SRGAP2: variants seen among roughly 807,000 people sequenced by gnomAD.
SRGAP2 encodes SLIT-ROBO Rho GTPase activating protein 2, also known as SLIT-ROBO Rho GTPase-activating protein 2.
SRGAP2 carries 15 observed loss-of-function variants against 57.2 expected under a neutral mutation model. The ratio of observed to expected loss-of-function variants is 0.26; its 90% CI spans 0.18 to 0.40. SRGAP2 has a LOEUF of 0.40. Among genes scored for constraint, SRGAP2 ranks in the 10% least tolerant of loss-of-function variants. The pLI is 1.00. For synonymous variants in SRGAP2, 249 were observed against 248.0 expected (o/e 1.00, Z -0.04); for missense variants, 520 against 669.6 (o/e 0.78, Z 2.47).
intron 2 of SRGAP2, among the ~76,000 whole-genome samples, chr1:206,267,087 GC>G (rs1351501834): frequency 6.7e-6 from 1 of 149,874 alleles, no homozygotes; most frequent in African/African-American, 2.5e-5. Flanking sequence ...TCCTGCCTCA[GC>G]CTCCCAAGTA....
chr1:206,460,416 T>G (rs3849276), intron 22 of SRGAP2, among the ~76,000 whole-genome samples: 139,961 of 152,014 alleles, frequency 0.92, 64,472 homozygotes, highest in East Asian at 0.99. Context: ...GTCATTCTTT[T>G]GTCCCCTTGG....
chr1:206,375,561 G>T (rs1251420233), intron 4 of SRGAP2, among the ~76,000 whole-genome samples: 1 of 152,170 alleles, frequency 6.6e-6, no homozygotes, highest in Non-Finnish European at 1.5e-5. Flanking sequence ...ATGTTGTTTT[G>T]AGTTTATTTT....
chr1:206,424,727 C>T (rs781897865), intron 13 of SRGAP2, among the ~76,000 whole-genome samples: 3 of 152,196 alleles, frequency 2.0e-5, no homozygotes, highest in African/African-American at 4.8e-5. Context: ...TGCAGGTCTT[C>T]GTGGCACCAC....
intron 2 of SRGAP2, among the ~76,000 whole-genome samples, chr1:206,228,826 T>TA (rs199965145): frequency 0.12 from 16,017 of 130,992 alleles, 2,774 homozygotes; most frequent in African/African-American, 0.41. Flanking sequence ...ATCAGCGCTT[T>TA]AAAAAAAAAA....
chr1:206,274,663 T>TA (rs1202397417), intron 2 of SRGAP2, among the ~76,000 whole-genome samples: 60 of 149,896 alleles, frequency 4.0e-4, no homozygotes, highest in Middle Eastern at 6.8e-3. Context: ...CTAGGGTGGT[T>TA]AAAAAAAAAT....
chr1:206,396,021 C>G (rs1328205517), intron 7 of SRGAP2, among the ~76,000 whole-genome samples: 1 of 143,224 alleles, frequency 7.0e-6, no homozygotes, highest in Non-Finnish European at 1.5e-5. Flanking sequence ...CTCTCTCTGT[C>G]GCCCAGGCTG....
At chr1:206,255,846 G>A (rs553463179) in intron 2 of SRGAP2, among the ~76,000 whole-genome samples, 11 of 151,940 alleles carry the variant, frequency 7.2e-5, no homozygotes, top group African/African-American at 2.4e-4. Context: ...CTCTACTTGG[G>A]TTCTGGAACT....
At chr1:206,335,998 G>A (rs185375612) in intron 3 of SRGAP2, among the ~76,000 whole-genome samples, 31 of 152,206 alleles carry the variant, frequency 2.0e-4, no homozygotes, top group African/African-American at 5.3e-4. Context: ...TCAGGAAATC[G>A]TAAGCACTTA....
At chr1:206,415,522 G>C (rs1285933336) in intron 10 of SRGAP2, among the ~76,000 whole-genome samples, 1 of 152,232 alleles carries the variant, frequency 6.6e-6, no homozygotes, top group African/African-American at 2.4e-5. Context: ...GGCAGGGTGG[G>C]ATGTCAGTGG....
intron 19 of SRGAP2, among the ~76,000 whole-genome samples, chr1:206,452,858 C>A (rs1553376435): frequency 1.4e-5 from 2 of 141,140 alleles, no homozygotes; most frequent in Admixed American, 7.4e-5. Flanking sequence ...TGCACTCCAG[C>A]CTGAGCGACA....
chr1:206,359,873 C>T (rs1335767905), intron 4 of SRGAP2, among the ~76,000 whole-genome samples: 5 of 116,516 alleles, frequency 4.3e-5, no homozygotes, highest in Non-Finnish European at 8.0e-5. Context: ...GTGGCGGGAT[C>T]TCGGCTCACT....
Position 206,423,549 on chromosome 1 carries a change from G to T in SRGAP2, c.1494+2275G>T, listed in dbSNP as rs532821705. 5.3e-5 allele frequency among the ~76,000 whole-genome samples: 8 copies of T among 152,178 alleles called. No homozygotes were observed. In the East Asian group the frequency reaches 1.5e-3, roughly 29 times the overall value. On this transcript the variant is annotated intron_variant, in intron 13 of 22. Coordinates refer to ENST00000573034, the MANE Select transcript of SRGAP2 (RefSeq NM_015326.5). ...CCCTTCACTTCTCTGTTTGTGTTCG[G>T]GGGGACTCCATTCTTCACAGTCTCT...
intron 19 of SRGAP2, among the ~76,000 whole-genome samples, chr1:206,451,009 T>A (rs1168959130): frequency 6.7e-6 from 1 of 148,388 alleles, no homozygotes; most frequent in Non-Finnish European, 1.5e-5. Context: ...GCCAGCTACT[T>A]GGGAGGCTGC....
At chr1:206,416,765 C>T (rs907026902) in intron 11 of SRGAP2, among the ~76,000 whole-genome samples, 3 of 150,712 alleles carry the variant, frequency 2.0e-5, no homozygotes, top group Non-Finnish European at 4.4e-5. Flanking sequence ...CTGAATGCCG[C>T]CCCCCCCTCC....
chr1:206,445,297 T>A (rs1572173377), intron 17 of SRGAP2, among the ~76,000 whole-genome samples: 1 of 151,912 alleles, frequency 6.6e-6, no homozygotes, highest in South Asian at 2.1e-4. Context: ...TTGGCCAAGG[T>A]TGGAGGTGTG....
chr1:206,335,000 C>T lies in SRGAP2; in HGVS notation c.261-7846C>T, dbSNP rs555123765. 9.3e-5 allele frequency among the ~76,000 whole-genome samples: 14 copies of T among 150,604 alleles called. 1 individual carries two copies. The South Asian group carries it at 2.9e-3, about 31-fold the overall frequency. On this transcript the variant is annotated intron_variant, in intron 3 of 22. Coordinates refer to ENST00000573034, the MANE Select transcript of SRGAP2 (RefSeq NM_015326.5). ...TGGACTTTGTGGATCCAACTGTCAA[C>T]ATGATATTGATGGTTATGAATTCTT...
chr1:206,286,957 T>C (rs1483474839), intron 2 of SRGAP2, among the ~76,000 whole-genome samples: 1 of 151,678 alleles, frequency 6.6e-6, no homozygotes, highest in African/African-American at 2.4e-5. Flanking sequence ...GTGTGGAGAG[T>C]AGACTACAGG....
intron 2 of SRGAP2, among the ~76,000 whole-genome samples, chr1:206,266,108 T>C (rs1222552270): frequency 6.8e-6 from 1 of 148,100 alleles, no homozygotes; most frequent in Non-Finnish European, 1.5e-5. Flanking sequence ...CTCTTCAGAG[T>C]CTCCAGTTAT....
chr1:206,306,241 G>A (rs1475424752), intron 3 of SRGAP2, among the ~76,000 whole-genome samples: 1 of 151,550 alleles, frequency 6.6e-6, no homozygotes, highest in Non-Finnish European at 1.5e-5. Context: ...AAGGTGGTGT[G>A]TCTGGAGTCT....
Sources: allele counts gnomAD v4.1 joint callset (sites outside exome capture counted in the v4.1 genomes callset), GRCh38; gene constraint gnomAD v4.1.1; transcripts MANE v1.5; gene names NCBI Gene and HGNC (gene_info 2026-07-23, HGNC 2026-07-21).